The following TMEM45B variants were observed in gnomAD, a reference collection of about 807,000 sequenced individuals.
TMEM45B encodes transmembrane protein 45B.
TMEM45B carries 29 observed loss-of-function variants against 27.3 expected under a neutral mutation model. That is an observed-to-expected ratio of 1.06 (90% CI 0.79 to 1.45). The LOEUF is 1.45. Ranked by LOEUF, TMEM45B falls within the 40% of genes most tolerant of loss-of-function variation. The pLI, the probability that TMEM45B is intolerant of heterozygous loss-of-function variation, is 0.00. For missense variants in TMEM45B, 348 were observed against 343.9 expected (o/e 1.01, Z -0.09); for synonymous variants, 143 against 134.7 (o/e 1.06, Z -0.43).
At chr11:129,842,803 T>G (rs1947711721) in intron 1 of TMEM45B, among the ~76,000 whole-genome samples, 1 of 152,122 alleles carries the variant, frequency 6.6e-6, no homozygotes, top group East Asian at 1.9e-4. Context: ...AGGAGTAGGA[T>G]TGCATCAAAG....
intron 1 of TMEM45B, among the ~76,000 whole-genome samples, chr11:129,837,584 G>GTTTTTTTTTTTTTTT (rs1387294363): frequency 2.9e-5 from 1 of 34,952 alleles, no homozygotes; most frequent in African/African-American, 7.1e-5. Context: ...ACTGCACTGG[G>GTTTTTTTTTTTTTTT]CTTTTTTTTT....
chr11:129,854,636 G>C lies in TMEM45B; in HGVS notation c.205G>C (p.Asp69His), dbSNP rs1186715954. Residue 69 changes from aspartate to histidine, a missense_variant, in exon 3 of 6, where the codon GAT becomes CAT. By Grantham distance (81) the Asp-to-His change is moderately conservative. Coordinates refer to ENST00000281441, the MANE Select transcript of TMEM45B (RefSeq NM_138788.5). ...GATCCTGGCAGAGCAGTTTGTTCCG[G>C]ATGGGCCCCACCTGCACCTCTACCA... ...TGILAEQFVP[D>H]GPHLHLYHEN... The C allele has an allele frequency of 1.2e-6, 2 of 1,614,172 alleles. No homozygotes were observed. The highest frequency in any genetic ancestry group is 1.1e-5 in the South Asian group (1 of 91,084).
intron 3 of TMEM45B, 54 bp from the exon 4 acceptor site, chr11:129,855,654 G>A (rs961472677): frequency 2.6e-5 from 42 of 1,598,366 alleles, no homozygotes; most frequent in Admixed American, 5.0e-5. Context: ...AGGAAACTTC[G>A]GTGATGGTGA....
intron 1 of TMEM45B, among the ~76,000 whole-genome samples, chr11:129,845,672 C>A (rs1441472018): frequency 2.6e-5 from 4 of 151,876 alleles, no homozygotes; most frequent in Non-Finnish European, 4.4e-5. Flanking sequence ...TAAATATAAC[C>A]ACACCAATAA....
intron 1 of TMEM45B, among the ~76,000 whole-genome samples, chr11:129,845,416 A>G (rs1046981416): frequency 6.6e-6 from 1 of 151,788 alleles, no homozygotes; most frequent in African/African-American, 2.4e-5. Flanking sequence ...TATTGGAACA[A>G]AGTCACTATA....
chr11:129,833,601 CTCG>C lies in TMEM45B; in HGVS notation c.-9+17706_-9+17708del, dbSNP rs566293728. On this transcript the variant is annotated intron_variant, in intron 1 of 5. Transcript: ENST00000281441. ...ACCAGCCTGGCCAACATGGTGAAAC[CTCG>C]TCTCTACTAAAAATACAAAAATTAG... Among the ~76,000 whole-genome samples, 39 of 152,138 alleles carry C rather than the reference CTCG, an allele frequency of 2.6e-4. 1 individual carries two copies. In the South Asian group the frequency reaches 7.7e-3, roughly 30 times the overall value.
chr11:129,855,156 T>A (rs1947903965), intron 3 of TMEM45B, among the ~76,000 whole-genome samples: 1 of 152,126 alleles, frequency 6.6e-6, no homozygotes, highest in South Asian at 2.1e-4. Flanking sequence ...CACATACACA[T>A]GCGGGTACAC....
chr11:129,848,336 C>A (rs572807913), intron 1 of TMEM45B, among the ~76,000 whole-genome samples: 1 of 152,304 alleles, frequency 6.6e-6, no homozygotes, highest in Non-Finnish European at 1.5e-5. Flanking sequence ...CACAGCGAAA[C>A]CCCGTCTCCA....
intron 1 of TMEM45B, among the ~76,000 whole-genome samples, chr11:129,834,826 AAAAAG>A (rs1268182841): frequency 1.3e-5 from 2 of 151,796 alleles, no homozygotes; most frequent in Non-Finnish European, 1.5e-5. Context: ...AAAAAAAAAA[AAAAAG>A]AGAGAGAAAC....
At chr11:129,857,232 C>G (rs1947941725) in intron 4 of TMEM45B, 81 bp from the exon 5 acceptor site, 7 of 1,558,888 alleles carry the variant, frequency 4.5e-6, no homozygotes, top group Non-Finnish European at 6.1e-6. Flanking sequence ...ACATGGGCCA[C>G]TTCGGTGGCC....
chr11:129,821,368 A>G (rs1947417933), intron 1 of TMEM45B, among the ~76,000 whole-genome samples: 2 of 152,156 alleles, frequency 1.3e-5, no homozygotes, highest in Non-Finnish European at 2.9e-5. Flanking sequence ...GAAAAGACAG[A>G]GTCTAGAACC....
chr11:129,845,702 CTAAA>C (rs773227850), intron 1 of TMEM45B, among the ~76,000 whole-genome samples: 4 of 151,990 alleles, frequency 2.6e-5, no homozygotes, highest in Admixed American at 6.6e-5. Context: ...TATGAATGGA[CTAAA>C]TAAACCGTCC....
chr11:129,823,688 A>C (rs1409517509), intron 1 of TMEM45B, among the ~76,000 whole-genome samples: 1 of 152,148 alleles, frequency 6.6e-6, no homozygotes, highest in African/African-American at 2.4e-5. Context: ...TGGAATAGCT[A>C]TAAGAAAACA....
intron 1 of TMEM45B, among the ~76,000 whole-genome samples, chr11:129,818,122 T>C (rs1947374282): frequency 6.6e-6 from 1 of 152,226 alleles, no homozygotes; most frequent in Admixed American, 6.5e-5. Flanking sequence ...TTCTTTGAAC[T>C]CTTAAGCTTC....
At chr11:129,823,426 G>A (rs954720828) in intron 1 of TMEM45B, among the ~76,000 whole-genome samples, 13 of 152,174 alleles carry the variant, frequency 8.5e-5, no homozygotes, top group African/African-American at 3.1e-4. Flanking sequence ...TCCTTCTTAG[G>A]CGACTTCAAC....
At chr11:129,850,949 C>T (rs1565372275) in intron 1 of TMEM45B, among the ~76,000 whole-genome samples, 1 of 152,172 alleles carries the variant, frequency 6.6e-6, no homozygotes, top group Non-Finnish European at 1.5e-5. Flanking sequence ...TTGTTATAAC[C>T]CCTGGTTATA....
intron 1 of TMEM45B, among the ~76,000 whole-genome samples, chr11:129,848,544 T>C (rs999474923): frequency 1.3e-5 from 2 of 152,234 alleles, no homozygotes; most frequent in East Asian, 1.9e-4. Flanking sequence ...TATGAAGTTC[T>C]TGATGATGGG....
intron 1 of TMEM45B, among the ~76,000 whole-genome samples, chr11:129,841,547 AG>A: frequency 6.7e-6 from 1 of 149,964 alleles, no homozygotes; most frequent in Non-Finnish European, 1.5e-5. Flanking sequence ...AGGGACTGAC[AG>A]GGGTTGGAAG....
intron 1 of TMEM45B, among the ~76,000 whole-genome samples, chr11:129,851,543 CAAAAAA>C (rs71057982): frequency 1.8e-5 from 1 of 54,970 alleles, no homozygotes; most frequent in Non-Finnish European, 3.7e-5. Flanking sequence ...AACTCTGCCT[CAAAAAA>C]AAAAAAAAAG....
Sources: allele counts gnomAD v4.1 joint callset (sites outside exome capture counted in the v4.1 genomes callset), GRCh38; gene constraint gnomAD v4.1.1; transcripts MANE v1.5; gene names NCBI Gene and HGNC (gene_info 2026-07-23, HGNC 2026-07-21).